The following ANKHD1 variants were observed in gnomAD, a reference collection of about 807,000 sequenced individuals.
ANKHD1 encodes the protein ankyrin repeat and KH domain-containing protein 1.
In ANKHD1, 31 loss-of-function variants were observed where a neutral mutation model predicts 230.5. The ratio of observed to expected loss-of-function variants is 0.13; its 90% CI spans 0.10 to 0.18. ANKHD1 has a LOEUF of 0.18. Among genes scored for constraint, ANKHD1 ranks in the 10% least tolerant of loss-of-function variants. The probability of loss-of-function intolerance (pLI) is 1.00; values close to 1 mark genes in which losing one functional copy is unlikely to be tolerated. For synonymous variants in ANKHD1, 1,074 were observed against 1,117.6 expected (o/e 0.96, Z 0.78); for missense variants, 2,256 against 3,071.3 (o/e 0.73, Z 6.27).
At chr5:140,476,873 A>AT (rs142906308) in intron 10 of ANKHD1, among the ~76,000 whole-genome samples, 3,190 of 152,288 alleles carry the variant, frequency 0.021, 115 homozygotes, top group African/African-American at 0.073. Flanking sequence ...ATAGCAGGAA[A>AT]TCAGAAGGAT....
intron 9 of ANKHD1, among the ~76,000 whole-genome samples, chr5:140,461,178 C>T (rs1420152789): frequency 6.6e-6 from 1 of 152,178 alleles, no homozygotes; most frequent in Non-Finnish European, 1.5e-5. Flanking sequence ...ATATTAAACA[C>T]ATTCTTGTAG....
intron 1 of ANKHD1, among the ~76,000 whole-genome samples, chr5:140,411,246 A>G (rs915744020): frequency 2.2e-4 from 33 of 152,298 alleles, no homozygotes; most frequent in African/African-American, 7.9e-4. Context: ...TGGAAACTTC[A>G]TTTGGGACCC....
intron 1 of ANKHD1, among the ~76,000 whole-genome samples, chr5:140,419,800 TTCTTTC>T (rs1189733775): frequency 0.02 from 1,750 of 88,898 alleles, 47 homozygotes; most frequent in African/African-American, 0.055. Context: ...CTTTCTTTCT[TTCTTTC>T]TTTCTTTCTT....
In ANKHD1 at chr5:140,445,789, G is replaced by A. The variant is rs768046080; in HGVS notation, c.961G>A (p.Val321Ile). The change falls in exon 6 of 34, where the codon GTT (valine) becomes ATT (isoleucine). Residue 321 changes from valine (V) to isoleucine (I), a missense_variant. By Grantham distance (29) the Val-to-Ile change is conservative (BLOSUM62 3). Coordinates refer to ENST00000360839, the MANE Select transcript of ANKHD1 (RefSeq NM_017747.3). ...YACAGGFVDI[V>I]KVLLNEGANI... ...ATGTGCTGGAGGATTTGTTGACATT[G>A]TTAAAGTGCTCCTTAATGAAGGTGC... The A allele has an allele frequency of 8.1e-6, 13 of 1,612,740 alleles. No homozygotes were observed. The highest frequency in any genetic ancestry group is 1.6e-4 in the Middle Eastern group (1 of 6,076).
At chr5:140,469,480 C>T (rs1179986778) in intron 10 of ANKHD1, among the ~76,000 whole-genome samples, 4 of 151,908 alleles carry the variant, frequency 2.6e-5, no homozygotes, top group Non-Finnish European at 4.4e-5. Flanking sequence ...GCACTCCAGC[C>T]GGGGCAATAG....
intron 1 of ANKHD1, among the ~76,000 whole-genome samples, chr5:140,429,812 G>T (rs1204151836): frequency 6.6e-6 from 1 of 152,084 alleles, no homozygotes; most frequent in African/African-American, 2.4e-5. Context: ...TACTATTATT[G>T]GAAGTTTTAA....
chr5:140,437,937 T>G (rs1470251200), intron 2 of ANKHD1, among the ~76,000 whole-genome samples: 2 of 152,190 alleles, frequency 1.3e-5, no homozygotes, highest in Non-Finnish European at 2.9e-5. Context: ...ACGATATAAA[T>G]TCATTGGGTA....
intron 1 of ANKHD1, among the ~76,000 whole-genome samples, chr5:140,411,185 A>G (rs1477594371): frequency 6.6e-6 from 1 of 152,182 alleles, no homozygotes; most frequent in African/African-American, 2.4e-5. Context: ...TACTCTTCCT[A>G]CTTTTACAAA....
chr5:140,483,214 T>C (rs1037529746), intron 11 of ANKHD1, among the ~76,000 whole-genome samples: 2 of 152,190 alleles, frequency 1.3e-5, no homozygotes, highest in Non-Finnish European at 2.9e-5. Flanking sequence ...TTTAACCGTA[T>C]ATAATTGTCA....
chr5:140,449,460 C>T (rs1156928574), intron 7 of ANKHD1, among the ~76,000 whole-genome samples, 155 bp downstream of exon 7: 4 of 152,022 alleles, frequency 2.6e-5, no homozygotes, highest in East Asian at 1.9e-4. Context: ...GTCAGGAGTT[C>T]GAGACCAGCC....
chr5:140,468,603 C>A (rs1776276359), intron 10 of ANKHD1, among the ~76,000 whole-genome samples: 1 of 152,094 alleles, frequency 6.6e-6, no homozygotes, highest in South Asian at 2.1e-4. Context: ...CCCAAGTCCT[C>A]TTTTATAAGA....
At chr5:140,421,081 T>C (rs1358819419) in intron 1 of ANKHD1, among the ~76,000 whole-genome samples, 1 of 152,166 alleles carries the variant, frequency 6.6e-6, no homozygotes, top group Non-Finnish European at 1.5e-5. Context: ...TTTTCCTTTT[T>C]TTAACCCGTT....
At chr5:140,508,653 G>A (rs998418150) in intron 20 of ANKHD1, among the ~76,000 whole-genome samples, 1 of 152,054 alleles carries the variant, frequency 6.6e-6, no homozygotes, top group Non-Finnish European at 1.5e-5. Context: ...CTACTCAGGA[G>A]GCTGAGGCAG....
chr5:140,524,729 T>C (rs1269486042), intron 25 of ANKHD1, among the ~76,000 whole-genome samples: 1 of 152,164 alleles, frequency 6.6e-6, no homozygotes, highest in Non-Finnish European at 1.5e-5. Flanking sequence ...ACTTGGATTC[T>C]AATTCTAAAA....
rs1380270744 is a variant in ANKHD1 at position 140,500,662 on chromosome 5, A to AG, written c.3004+3384_3004+3385insG. ...AGACTCTGTCTCAAAAAAAAAAAAA[A>AG]AAAAAAAGAAAAGAAAAACTGAAGC... is the stretch of plus-strand genomic sequence containing the variant. On this transcript the variant is annotated intron_variant, in intron 15 of 33. Transcript: ENST00000360839. Among the ~76,000 whole-genome samples the AG allele has an allele frequency of 2.3e-4, 34 of 149,012 alleles. No individual in the cohort carries two copies. In the East Asian group the frequency reaches 5.3e-3, roughly 23 times the overall value.
intron 1 of ANKHD1, among the ~76,000 whole-genome samples, chr5:140,416,337 G>C (rs554476159): frequency 6.6e-6 from 1 of 152,282 alleles, no homozygotes; most frequent in South Asian, 2.1e-4. Flanking sequence ...GGTATTTCTA[G>C]TTCTAGATCC....
At chr5:140,510,603 C>A (rs971686290) in intron 22 of ANKHD1, among the ~76,000 whole-genome samples, 2 of 151,868 alleles carry the variant, frequency 1.3e-5, no homozygotes, top group Non-Finnish European at 2.9e-5. Flanking sequence ...CCGACCTTAT[C>A]TTTCCATTCT....
chr5:140,526,565 C>G (rs1727148612), intron 26 of ANKHD1, 122 bp downstream of exon 26: 2 of 1,273,654 alleles, frequency 1.6e-6, no homozygotes, highest in Non-Finnish European at 2.1e-6. Context: ...ACCACATTAT[C>G]TATCTTCAAT....
At chr5:140,422,062 A>C (rs1481025964) in intron 1 of ANKHD1, among the ~76,000 whole-genome samples, 1 of 152,224 alleles carries the variant, frequency 6.6e-6, no homozygotes, top group East Asian at 1.9e-4. Context: ...TTTGCATAAC[A>C]GAATTATGTC....
Sources: gnomAD v4.1 joint callset for allele counts (sites outside exome capture counted in the v4.1 genomes callset) on GRCh38, gnomAD v4.1.1 for gene constraint, MANE v1.5 for transcripts, NCBI Gene and HGNC (gene_info 2026-07-23, HGNC 2026-07-21) for gene names.